The following CEP78 variants were observed in gnomAD, a reference collection of about 807,000 sequenced individuals.
CEP78 encodes centrosomal protein of 78 kDa.
A neutral mutation model predicts 81.2 loss-of-function variants in CEP78; 76 were observed. The ratio of observed to expected loss-of-function variants is 0.94; its 90% CI spans 0.78 to 1.13. The LOEUF (loss-of-function observed/expected upper bound fraction) is 1.13, where lower values mean the gene tolerates loss of function less well. CEP78 is among the 50% of genes most tolerant of loss of function. The pLI is 0.00. For missense variants in CEP78, 918 were observed against 846.8 expected (o/e 1.08, Z -1.04); for synonymous variants, 293 against 301.4 (o/e 0.97, Z 0.29).
Position 78,251,972 on chromosome 9 carries a change from G to A in CEP78, c.1134G>A (p.Ala378=), listed in dbSNP as rs769438400. 6.8e-6 allele frequency: 11 copies of A among 1,608,450 alleles called. No homozygotes were observed. The highest frequency in any genetic ancestry group is 3.3e-5 in the South Asian group (3 of 90,296). Residue 378 remains alanine (A), a synonymous_variant, in exon 9 of 17, where the codon GCG becomes GCA. Transcript: ENST00000643273. ...RKHSLGKEYY[A]PAPLPPGVSG... Reference sequence around the variant, plus strand: ...ACTCCCTTGGTAAAGAATATTATGCGCCCGCACCTCTTCCACCTGGTGTGT... The same window carrying A: ...ACTCCCTTGGTAAAGAATATTATGCACCCGCACCTCTTCCACCTGGTGTGT...
In CEP78 at chr9:78,271,142, A is replaced by G. The variant is rs762485409; in HGVS notation, c.*291A>G. Reference sequence around the variant, plus strand: ...GAGGAACTGAAGTTAAGCTGCCCACATGATCTCTCTAACTATGATGACCTG... The same window carrying G: ...GAGGAACTGAAGTTAAGCTGCCCACGTGATCTCTCTAACTATGATGACCTG... On this transcript the variant is annotated 3_prime_UTR_variant, in exon 17 of 17. Transcript: ENST00000643273. 9 of 303,260 alleles carry G rather than the reference A, an allele frequency of 3.0e-5. No individual in the cohort carries two copies. Among genetic ancestry groups the G allele is most frequent in the South Asian group, 1.3e-4 (2 of 14,886 alleles). The allele number at this position is 303,260 out of a possible 1,614,324, so 18.8% of individuals were successfully genotyped here.
Position 78,265,463 on chromosome 9 carries a change from C to T in CEP78, c.1717C>T (p.Pro573Ser). The change falls in exon 14 of 17, where the codon CCT becomes TCT. Residue 573 changes from proline to serine, a missense_variant. Physicochemically the swap from Pro to Ser is moderately conservative, Grantham distance 74. Coordinates refer to ENST00000643273, the MANE Select transcript of CEP78 (RefSeq NM_001330691.3). ...PQMTSTVSNPPKEEKKALEDE... is the reference protein window; with the variant it reads ...PQMTSTVSNPSKEEKKALEDE... ...GATGACTTCTACTGTTAGTAATCCA[C>T]CTAAAGAAGAAAAGAAGGCGCTTGA... 5.6e-6 allele frequency: 9 copies of T among 1,596,014 alleles called. No individual in the cohort carries two copies. The highest frequency in any genetic ancestry group is 7.7e-6 in the Non-Finnish European group (9 of 1,170,808).
chr9:78,238,159 TATCTA>T (rs1427896188), intron 1 of CEP78, among the ~76,000 whole-genome samples: 3 of 150,852 alleles, frequency 2.0e-5, no homozygotes, highest in African/African-American at 7.3e-5. Context: ...GGATTTCAGA[TATCTA>T]AGAGAATGGA....
chr9:78,267,001 C>A, intron 16 of CEP78: 1 of 1,353,840 alleles, frequency 7.4e-7, no homozygotes, highest in Admixed American at 2.8e-5. Context: ...TCACACCTTT[C>A]ATATGACTAA....
intron 9 of CEP78, among the ~76,000 whole-genome samples, chr9:78,252,417 TG>T (rs1346183638): frequency 7.9e-5 from 12 of 152,332 alleles, no homozygotes; most frequent in African/African-American, 2.6e-4. Context: ...AATTGTTCAA[TG>T]CAAAATGATA....
chr9:78,252,165 CTTCT>C, intron 9 of CEP78, 122 bp downstream of exon 9: 7 of 805,380 alleles, frequency 8.7e-6, no homozygotes, highest in Non-Finnish European at 1.3e-5. Flanking sequence ...ACTCATGTGG[CTTCT>C]GCCTCATGAA....
intron 16 of CEP78, among the ~76,000 whole-genome samples, chr9:78,269,729 G>A (rs1827650258): frequency 6.6e-6 from 1 of 152,168 alleles, no homozygotes; most frequent in Non-Finnish European, 1.5e-5. Flanking sequence ...GCCCTGAGGG[G>A]GCAATGAAAA....
chr9:78,263,643 A>ATGTG (rs1827379580), intron 12 of CEP78, among the ~76,000 whole-genome samples: 2 of 152,282 alleles, frequency 1.3e-5, no homozygotes, highest in Admixed American at 6.5e-5. Flanking sequence ...AGTTAGACTT[A>ATGTG]TGTGTAGTAT....
chr9:78,236,124 T>C lies in CEP78; in HGVS notation c.-227T>C. 1 of 539,718 alleles carries C rather than the reference T, an allele frequency of 1.9e-6. No individual in the cohort carries two copies. The highest frequency in any genetic ancestry group is 3.2e-6 in the Non-Finnish European group (1 of 308,464). The allele number at this position is 539,718 out of a possible 1,614,324, so 33.4% of individuals were successfully genotyped here. A position where few individuals can be genotyped will look rare whatever the true frequency, so the allele number is the denominator to read the frequency against. ...GACTATGAGGCGGGCGCCAACTGCT[T>C]GGGCCGCAGGGCGGGAGGCAGCGCG... is the stretch of plus-strand genomic sequence containing the variant. On this transcript the variant is annotated 5_prime_UTR_variant, in exon 1 of 17. Coordinates refer to ENST00000643273, the MANE Select transcript of CEP78 (RefSeq NM_001330691.3).
intron 10 of CEP78, 93 bp from the exon 11 acceptor site, chr9:78,254,743 C>A: frequency 1.0e-6 from 1 of 994,470 alleles, no homozygotes; most frequent in Non-Finnish European, 1.5e-6. Flanking sequence ...TAGAGAATGA[C>A]TTAACACTTC....
At position 78,276,613 on chromosome 9, in the gene CEP78, G is replaced by A. The variant is rs1281933841; in HGVS notation, c.*5762G>A. ...CAACACCAACACACCGGTATGAAAA[G>A]TGTGTACACCAGCAATAACCAATTA... On this transcript the variant is annotated 3_prime_UTR_variant, in exon 17 of 17. Coordinates refer to ENST00000643273, the MANE Select transcript of CEP78 (RefSeq NM_001330691.3). 1 of 128,418 alleles carries A rather than the reference G, an allele frequency of 7.8e-6. No individual in the cohort carries two copies. Among genetic ancestry groups the A allele is most frequent in the Non-Finnish European group, 1.7e-5 (1 of 57,198 alleles). The allele number at this position is 128,418 out of a possible 1,614,324, so 8.0% of individuals were successfully genotyped here.
At chr9:78,255,438 A>G (rs1826974140) in intron 11 of CEP78, among the ~76,000 whole-genome samples, 1 of 152,186 alleles carries the variant, frequency 6.6e-6, no homozygotes, top group Non-Finnish European at 1.5e-5. Flanking sequence ...TGTAGCTTAT[A>G]AACAACAGGA....
chr9:78,241,722 A>G lies in CEP78; in HGVS notation c.526A>G (p.Ile176Val), dbSNP rs780213877. The G allele has an allele frequency of 6.2e-6, 10 of 1,602,740 alleles. No individual in the cohort carries two copies. The highest frequency in any genetic ancestry group is 5.4e-5 in the African/African-American group (4 of 74,624). Reference sequence around the variant, plus strand: ...TATTTGTCAAGGTATAAAGAGCTCTATCACTCTTAAGACAGTCAACTTCAC... The same window carrying G: ...TATTTGTCAAGGTATAAAGAGCTCTGTCACTCTTAAGACAGTCAACTTCAC... ...EIICQGIKSS[I>V]TLKTVNFTGC... is the part of the protein sequence containing the mutation. The change falls in exon 4 of 17, where the codon ATC becomes GTC. Residue 176 changes from isoleucine to valine, a missense_variant. Ile to Val is a conservative substitution (Grantham distance 29, BLOSUM62 3). Coordinates refer to ENST00000643273, the MANE Select transcript of CEP78 (RefSeq NM_001330691.3).
chr9:78,250,408 C>T (rs975433251), intron 8 of CEP78: 2 of 391,040 alleles, frequency 5.1e-6, no homozygotes, highest in Non-Finnish European at 9.0e-6. Flanking sequence ...TTTTTTTCAT[C>T]TAACAAGATA....
In CEP78 at chr9:78,274,422, A is replaced by G. The variant is rs1827760672; in HGVS notation, c.*3571A>G. ...TCCTGATTGCGGTGGTGGTAACGTG[A>G]GTCTATACATATGTTAAAATTTATA... is the stretch of plus-strand genomic sequence containing the variant. On this transcript the variant is annotated 3_prime_UTR_variant, in exon 17 of 17. Coordinates refer to ENST00000643273, the MANE Select transcript of CEP78 (RefSeq NM_001330691.3). 6.6e-6 allele frequency: 1 copy of G among 152,188 alleles called. No individual in the cohort carries two copies. Among genetic ancestry groups the G allele is most frequent in the Non-Finnish European group, 1.5e-5 (1 of 68,042 alleles). The allele number at this position is 152,188 out of a possible 1,614,324, so 9.4% of individuals were successfully genotyped here.
intron 7 of CEP78, 21 bp from the exon 8 acceptor site, chr9:78,248,741 T>C (rs781716930): frequency 8.3e-7 from 1 of 1,204,156 alleles, no homozygotes; most frequent in South Asian, 1.4e-5. Flanking sequence ...TGAAATATAG[T>C]GTTTATTCTG....
chr9:78,255,419 A>G (rs1433805419), intron 11 of CEP78, among the ~76,000 whole-genome samples: 1 of 152,070 alleles, frequency 6.6e-6, no homozygotes, highest in Admixed American at 6.5e-5. Context: ...CTTTTTTTAT[A>G]TACTTACATG....
chr9:78,236,561 G>A lies in CEP78; in HGVS notation c.211G>A (p.Val71Ile). ...CAAGATCAATAAAGACCTGCCCTTGGTCTCCATCAAGAGCTTCTTCCAGCC... is the reference window on the plus strand; with the variant it reads ...CAAGATCAATAAAGACCTGCCCTTGATCTCCATCAAGAGCTTCTTCCAGCC... ...TLKINKDLPLVSIKSFFQPWL... is the reference protein window; with the variant it reads ...TLKINKDLPLISIKSFFQPWL... Residue 71 changes from valine (V) to isoleucine (I), a missense_variant, in exon 1 of 17, where the codon GTC becomes ATC. Transcript: ENST00000643273. 5.1e-6 allele frequency: 8 copies of A among 1,584,012 alleles called. No homozygotes were observed. The highest frequency in any genetic ancestry group is 6.9e-6 in the Non-Finnish European group (8 of 1,164,914).
intron 16 of CEP78, among the ~76,000 whole-genome samples, chr9:78,269,559 A>G (rs950170491): frequency 2.0e-5 from 3 of 152,254 alleles, no homozygotes; most frequent in Admixed American, 6.5e-5. Flanking sequence ...GAGACAAGTG[A>G]TAAGAGTGTC....
Sources: gnomAD v4.1 joint callset for allele counts (sites outside exome capture counted in the v4.1 genomes callset) on GRCh38, gnomAD v4.1.1 for gene constraint, MANE v1.5 for transcripts, NCBI Gene and HGNC (gene_info 2026-07-23, HGNC 2026-07-21) for gene names.